ZFYVE1: variants seen among roughly 807,000 people sequenced by gnomAD.
ZFYVE1 encodes zinc finger FYVE domain-containing protein 1.
Under a neutral mutation model 74.4 loss-of-function variants are expected in ZFYVE1, and 30 were observed. The ratio of observed to expected loss-of-function variants is 0.40; its 90% confidence interval spans 0.30 to 0.55. ZFYVE1 has a LOEUF of 0.55. ZFYVE1 is among the 20% of genes least tolerant of loss of function. The pLI, the probability that ZFYVE1 is intolerant of heterozygous loss-of-function variation, is 0.42. For synonymous variants in ZFYVE1, 335 were observed against 385.1 expected (o/e 0.87, Z 1.52); for missense variants, 703 against 1,011.6 (o/e 0.69, Z 4.14).
At chr14:73,011,233 C>T (rs1420549490) in intron 2 of ZFYVE1, among the ~76,000 whole-genome samples, 1 of 151,472 alleles carries the variant, frequency 6.6e-6, no homozygotes, top group African/African-American at 2.4e-5. Flanking sequence ...ACCTGTAATC[C>T]CAGCCCTTTA....
Position 73,023,179 on chromosome 14 carries a change from T to A in ZFYVE1, c.483+847A>T, listed in dbSNP as rs1242775459. ...CCATCTCAAAAAATATATATATATATATATATATATATATTTTATATATGT... is the reference window on the plus strand; with the variant it reads ...CCATCTCAAAAAATATATATATATAAATATATATATATATTTTATATATGT... On this transcript the variant is annotated intron_variant, in intron 2 of 11. Transcript: ENST00000556143. Among the ~76,000 whole-genome samples, 173 of 137,710 alleles carry A rather than the reference T, an allele frequency of 1.3e-3. 8 individuals are homozygous for A. The highest frequency in any genetic ancestry group is 2.6e-3 in the South Asian group (12 of 4,610). 90.3% of individuals were successfully genotyped at this position (137,710 alleles called of 152,430 possible).
intron 2 of ZFYVE1, among the ~76,000 whole-genome samples, chr14:73,017,637 C>A (rs1003184331): frequency 7.2e-5 from 11 of 152,178 alleles, no homozygotes; most frequent in African/African-American, 2.4e-4. Context: ...TACTCCCTCA[C>A]TCCTCCATCC....
In ZFYVE1 at chr14:73,024,637, C is replaced by T. The variant is rs1292803060; in HGVS notation, c.-129G>A. 1.5e-6 allele frequency: 2 copies of T among 1,315,030 alleles called. No homozygotes were observed. The highest frequency in any genetic ancestry group is 1.0e-6 in the Non-Finnish European group (1 of 986,294). The allele number at this position is 1,315,030 out of a possible 1,614,324, so 81.5% of individuals were successfully genotyped here. A position where few individuals can be genotyped will look rare whatever the true frequency, so the allele number is the denominator to read the frequency against. On this transcript the variant is annotated 5_prime_UTR_variant, in exon 2 of 12. Coordinates refer to ENST00000556143, the MANE Select transcript of ZFYVE1 (RefSeq NM_021260.4). ...GGGTTCTGAACACTTTAAAAAAGAA[C>T]ACCTTTCATGTCCTGTTATAGTTCT... is the stretch of plus-strand genomic sequence containing the variant.
At chr14:73,004,563 G>A (rs998375918) in intron 2 of ZFYVE1, among the ~76,000 whole-genome samples, 4 of 152,078 alleles carry the variant, frequency 2.6e-5, no homozygotes, top group Non-Finnish European at 5.9e-5. Flanking sequence ...TGTCCAATGT[G>A]GATGTCCATG....
intron 2 of ZFYVE1, among the ~76,000 whole-genome samples, chr14:73,002,657 C>T (rs1274060367): frequency 1.3e-4 from 20 of 151,686 alleles, no homozygotes; most frequent in Admixed American, 1.3e-3. Context: ...ATTCAAAGAG[C>T]TTATGGCTAC....
chr14:73,012,061 A>T (rs983021250), intron 2 of ZFYVE1, among the ~76,000 whole-genome samples: 44 of 151,782 alleles, frequency 2.9e-4, no homozygotes, highest in Admixed American at 5.3e-4. Context: ...ATTAAAAATT[A>T]AAAAATAGCT....
At position 72,990,056 on chromosome 14, in the gene ZFYVE1, T is replaced by G. The variant is rs190546178; in HGVS notation, c.1203+3087A>C. On this transcript the variant is annotated intron_variant, in intron 4 of 11. Coordinates refer to ENST00000556143, the MANE Select transcript of ZFYVE1 (RefSeq NM_021260.4). ...CTTTAGTTAGAGTCTATTTTAACAA[T>G]AAAACTCTACTTGGTCAATTTGCCT... 6.5e-4 allele frequency among the ~76,000 whole-genome samples: 99 copies of G among 152,336 alleles called. 1 individual carries two copies. Among genetic ancestry groups the G allele is most frequent in the Admixed American group, 5.0e-3 (77 of 15,298 alleles).
Position 72,974,892 on chromosome 14 carries a change from T to C in ZFYVE1, c.1874A>G (p.Glu625Gly). Residue 625 changes from glutamate to glycine, a missense_variant, in exon 10 of 12, where the codon GAG (glutamate) becomes GGG (glycine). Coordinates refer to ENST00000556143, the MANE Select transcript of ZFYVE1 (RefSeq NM_021260.4). ...DTKHHCRACG[E>G]GFCDSCSSKT... ...TGATGAACAGCTGTCACAGAAGCCC[T>C]CCCCACAGGCTCGGCAGTGATGCTT... 6.2e-7 allele frequency: 1 copy of C among 1,614,018 alleles called. No individual in the cohort carries two copies. The highest frequency in any genetic ancestry group is 1.1e-5 in the South Asian group (1 of 91,076).
chr14:73,006,191 T>C (rs960216510), intron 2 of ZFYVE1, among the ~76,000 whole-genome samples: 9 of 151,804 alleles, frequency 5.9e-5, no homozygotes, highest in Non-Finnish European at 1.3e-4. Context: ...AGTCCTGGGA[T>C]TGTAGGCGTG....
intron 1 of ZFYVE1, among the ~76,000 whole-genome samples, 168 bp downstream of exon 1, chr14:73,026,758 G>T (rs1353159246): frequency 5.3e-5 from 7 of 131,952 alleles, no homozygotes; most frequent in Non-Finnish European, 1.1e-4. Flanking sequence ...CCCCCACGCC[G>T]GCAAAACCCG....
intron 3 of ZFYVE1, among the ~76,000 whole-genome samples, chr14:72,994,120 C>T (rs1893688827): frequency 6.7e-6 from 1 of 150,354 alleles, no homozygotes; most frequent in Non-Finnish European, 1.5e-5. Context: ...GTCGGGAGTT[C>T]GAGACCAGCC....
At chr14:73,004,860 G>A (rs779555128) in intron 2 of ZFYVE1, among the ~76,000 whole-genome samples, 4 of 152,004 alleles carry the variant, frequency 2.6e-5, no homozygotes, top group African/African-American at 7.2e-5. Flanking sequence ...TTGGCCAGGC[G>A]TTGCGGCACG....
In ZFYVE1 at chr14:72,974,809, T is replaced by G. The variant is rs777639797; in HGVS notation, c.1957A>C (p.Asn653His). ...TGGACGTTCCTGGCTTCGTAGCAGT[T>G]GTCACAGACCCGCACTGGCGCAGGG... Reference protein sequence around the residue: ...WGPAPVRVCDNCYEARNVQLA... With the variant: ...WGPAPVRVCDHCYEARNVQLA... The change falls in exon 10 of 12, where the codon AAC (asparagine) becomes CAC (histidine). Residue 653 changes from asparagine (N) to histidine (H), a missense_variant. Asn to His is a moderately conservative substitution (Grantham distance 68, BLOSUM62 1). Transcript: ENST00000556143. 1 of 1,606,012 alleles carries G rather than the reference T, an allele frequency of 6.2e-7. No homozygotes were observed. The highest frequency in any genetic ancestry group is 1.3e-5 in the African/African-American group (1 of 74,756).
intron 4 of ZFYVE1, among the ~76,000 whole-genome samples, chr14:72,992,422 G>A (rs1173333054): frequency 6.6e-6 from 1 of 152,128 alleles, no homozygotes; most frequent in East Asian, 1.9e-4. Context: ...ATCTCTTGGT[G>A]CCTCCGTTTC....
At chr14:72,996,495 G>A (rs1457108481) in intron 3 of ZFYVE1, among the ~76,000 whole-genome samples, 4 of 152,118 alleles carry the variant, frequency 2.6e-5, no homozygotes, top group African/African-American at 4.8e-5. Context: ...TCAGGCTCAA[G>A]GGATCCTCCT....
intron 4 of ZFYVE1, among the ~76,000 whole-genome samples, chr14:72,988,759 T>C (rs942935567): frequency 2.7e-4 from 40 of 149,710 alleles, no homozygotes; most frequent in Non-Finnish European, 3.1e-4. Flanking sequence ...GTGAGCCAAG[T>C]TTGCATCACT....
At chr14:72,988,851 T>C (rs1276602745) in intron 4 of ZFYVE1, among the ~76,000 whole-genome samples, 2 of 147,258 alleles carry the variant, frequency 1.4e-5, no homozygotes, top group Non-Finnish European at 3.0e-5. Flanking sequence ...CATAGAATAA[T>C]ATAAATGGTA....
chr14:73,020,370 TCAGA>T (rs1024200638), intron 2 of ZFYVE1, among the ~76,000 whole-genome samples: 2 of 152,164 alleles, frequency 1.3e-5, no homozygotes, highest in Admixed American at 1.3e-4. Flanking sequence ...CTTTGTTTTT[TCAGA>T]CAGAGTCTCG....
At position 72,975,403 on chromosome 14, in the gene ZFYVE1, A is replaced by G; in HGVS notation, c.1806+148T>C. ...CAAAGAGAAACTGGCTGCCTCAACG[A>G]CTCCTCCCCTTGCCGGTACTCACAG... is the stretch of plus-strand genomic sequence containing the variant. On this transcript the variant is annotated intron_variant, in intron 9 of 11. Transcript: ENST00000556143. The surrounding 1 kb of genome is among the most constrained non-coding windows in gnomAD (Gnocchi z 4.1). The G allele has an allele frequency of 1.0e-6, 1 of 996,934 alleles. No individual in the cohort carries two copies. Among genetic ancestry groups the G allele is most frequent in the Non-Finnish European group, 1.5e-6 (1 of 689,368 alleles). The allele number at this position is 996,934 out of a possible 1,614,324, so 61.8% of individuals were successfully genotyped here.
Sources: allele counts gnomAD v4.1 joint callset (sites outside exome capture counted in the v4.1 genomes callset), GRCh38; gene constraint gnomAD v4.1.1; non-coding constraint Gnocchi (gnomAD v3.1); transcripts MANE v1.5; gene names NCBI Gene and HGNC (gene_info 2026-07-23, HGNC 2026-07-21).